Variants in ARHGAP35 observed in about 807,000 individuals in gnomAD.
ARHGAP35 encodes Rho GTPase activating protein 35, also known as rho GTPase-activating protein 35.
Under a neutral mutation model 111.1 loss-of-function variants are expected in ARHGAP35, and 15 were observed. That is an observed-to-expected ratio of 0.13 (90% CI 0.09 to 0.21). The LOEUF (loss-of-function observed/expected upper bound fraction) is 0.21. Among genes scored for constraint, ARHGAP35 ranks in the 10% least tolerant of loss-of-function variants. The pLI is 1.00. For missense variants in ARHGAP35, 1,262 were observed against 1,873.0 expected (o/e 0.67, Z 6.02); for synonymous variants, 643 against 710.3 (o/e 0.91, Z 1.51).
rs148117704 is a variant in ARHGAP35 at position 46,866,418 on chromosome 19, G to T, written c.-189+5209G>T. Among the ~76,000 whole-genome samples the T allele has an allele frequency of 1.4e-3, 209 of 152,322 alleles. 1 individual carries two copies. Among genetic ancestry groups the T allele is most frequent in the African/African-American group, 4.8e-3 (200 of 41,562 alleles). On this transcript the variant is annotated intron_variant, in intron 1 of 6. Coordinates refer to ENST00000672722, the MANE Select transcript of ARHGAP35 (RefSeq NM_004491.5). ...ACAGGCTTCCTGCCACAGCAGAAAAGTACTGGATTTATATAAGGGCAGTGA... is the reference window on the plus strand; with the variant it reads ...ACAGGCTTCCTGCCACAGCAGAAAATTACTGGATTTATATAAGGGCAGTGA...
At chr19:46,870,332 C>G (rs981936802) in intron 1 of ARHGAP35, among the ~76,000 whole-genome samples, 1 of 151,732 alleles carries the variant, frequency 6.6e-6, no homozygotes, top group East Asian at 2.0e-4. Context: ...TAATCCCCAG[C>G]ACTTTGGGAG....
intron 3 of ARHGAP35, among the ~76,000 whole-genome samples, chr19:46,956,541 T>A (rs901726070): frequency 9.9e-5 from 15 of 151,700 alleles, no homozygotes; most frequent in Non-Finnish European, 1.5e-5. Context: ...TGCCTCGGCC[T>A]CCCAAAGTGC....
At chr19:46,984,189 T>A (rs1318457264) in intron 3 of ARHGAP35, among the ~76,000 whole-genome samples, 1 of 152,100 alleles carries the variant, frequency 6.6e-6, no homozygotes, top group African/African-American at 2.4e-5. Context: ...AGGATGCCTG[T>A]GAGTTTAAGG....
chr19:46,919,926 G>T lies in ARHGAP35; in HGVS notation c.1251G>T (p.Glu417Asp), dbSNP rs1363475646. The T allele has an allele frequency of 6.2e-7, 1 of 1,613,966 alleles. No individual in the cohort carries two copies. The highest frequency in any genetic ancestry group is 1.7e-5 in the Admixed American group (1 of 60,018). The change falls in exon 2 of 7, where the codon GAG (glutamate) becomes GAT (aspartate). Residue 417 changes from glutamate (E) to aspartate (D), a missense_variant. Physicochemically the swap from Glu to Asp is conservative, Grantham distance 45 (BLOSUM62 2). Coordinates refer to ENST00000672722, the MANE Select transcript of ARHGAP35 (RefSeq NM_004491.5). This position sits in a 1 kb window ranked among gnomAD's most constrained non-coding sequence, Gnocchi z 6.2. ...MDTVPAEQLY[E>D]AHLEKLRNER... ...CCGTCCCTGCAGAGCAGCTATACGA[G>T]GCCCACTTAGAGAAGCTGAGGAACG... is the stretch of plus-strand genomic sequence containing the variant.
In ARHGAP35 at chr19:46,942,313, A is replaced by G. The variant is rs1176030676; in HGVS notation, c.3826+4905A>G. On this transcript the variant is annotated intron_variant, in intron 3 of 6. Coordinates refer to ENST00000672722, the MANE Select transcript of ARHGAP35 (RefSeq NM_004491.5). Reference sequence around the variant, plus strand: ...AGAGTATGAGGTAAGCTAGCTTTCAACATTTTTTTAACATAGCCCTCTTAG... The same window carrying G: ...AGAGTATGAGGTAAGCTAGCTTTCAGCATTTTTTTAACATAGCCCTCTTAG... Among the ~76,000 whole-genome samples, 4 of 152,146 alleles carry G rather than the reference A, an allele frequency of 2.6e-5. No homozygotes were observed. In the East Asian group the frequency reaches 5.8e-4, roughly 22 times the overall value.
chr19:47,000,647 C>T lies in ARHGAP35; in HGVS notation c.4459C>T (p.Pro1487Ser). The T allele has an allele frequency of 6.2e-7, 1 of 1,602,980 alleles. No homozygotes were observed. Among genetic ancestry groups the T allele is most frequent in the Non-Finnish European group, 8.5e-7 (1 of 1,174,044 alleles). ...ACCCACCCCCCAGTCCCCAATGCAG[C>T]CACTGCTTCCCTCCCAGCTTCAAGC... ...PPPTPQSPMQPLLPSQLQAEH... is the reference protein window; with the variant it reads ...PPPTPQSPMQSLLPSQLQAEH... Residue 1487 changes from proline to serine, a missense_variant, in exon 7 of 7, where the codon CCA becomes TCA. By Grantham distance (74) the Pro-to-Ser change is moderately conservative (BLOSUM62 -1). Coordinates refer to ENST00000672722, the MANE Select transcript of ARHGAP35 (RefSeq NM_004491.5). This position sits in a 1 kb window ranked among gnomAD's most constrained non-coding sequence, Gnocchi z 6.9.
At position 46,989,851 on chromosome 19, in the gene ARHGAP35, G is replaced by T. The variant is rs1051069538; in HGVS notation, c.4036+176G>T. Among the ~76,000 whole-genome samples the T allele has an allele frequency of 1.3e-5, 2 of 152,190 alleles. No individual in the cohort carries two copies. The highest frequency in any genetic ancestry group is 2.4e-5 in the African/African-American group (1 of 41,458). ...ACTTGCAAATCGGGCTCCTGCCCTT[G>T]TAGACCTTAGGTGCTTATCTGAGGG... is the stretch of plus-strand genomic sequence containing the variant. On this transcript the variant is annotated intron_variant, in intron 5 of 6. Coordinates refer to ENST00000672722, the MANE Select transcript of ARHGAP35 (RefSeq NM_004491.5). This position sits in a 1 kb window ranked among gnomAD's most constrained non-coding sequence, Gnocchi z 5.3.
At chr19:46,889,044 C>T (rs1052759175) in intron 1 of ARHGAP35, among the ~76,000 whole-genome samples, 4 of 151,006 alleles carry the variant, frequency 2.6e-5, no homozygotes, top group African/African-American at 9.8e-5. Context: ...TTGGACTGGG[C>T]ATGGTGGCTC....
intron 3 of ARHGAP35, among the ~76,000 whole-genome samples, chr19:46,963,754 G>A (rs1014549958): frequency 2.0e-5 from 3 of 152,156 alleles, no homozygotes; most frequent in Admixed American, 2.0e-4. Flanking sequence ...GACTTAATCG[G>A]TGTCCTCCAC....
rs1460017219 is a variant in ARHGAP35 at position 46,919,677 on chromosome 19, G to A, written c.1002G>A (p.Glu334=). ...ACCGCCTCAAGCATGAGCATATCGAGCGTAGGAGAAAGCTGTACCTGGCAG... is the reference window on the plus strand; with the variant it reads ...ACCGCCTCAAGCATGAGCATATCGAACGTAGGAGAAAGCTGTACCTGGCAG... ...HIHRLKHEHI[E]RRRKLYLAAL... Residue 334 remains glutamate (E), a synonymous_variant, in exon 2 of 7, where the codon GAG becomes GAA. Transcript: ENST00000672722. This position sits in a 1 kb window ranked among gnomAD's most constrained non-coding sequence, Gnocchi z 6.2. 3 of 1,613,968 alleles carry A rather than the reference G, an allele frequency of 1.9e-6. No homozygotes were observed. The highest frequency in any genetic ancestry group is 1.3e-5 in the African/African-American group (1 of 75,034).
intron 3 of ARHGAP35, among the ~76,000 whole-genome samples, chr19:46,958,363 C>A (rs887836591): frequency 6.9e-6 from 1 of 145,702 alleles, no homozygotes. Flanking sequence ...CCAGCCTGGG[C>A]GACAGAGCAA....
At position 46,926,625 on chromosome 19, in the gene ARHGAP35, G is replaced by A. The variant is rs1230256246; in HGVS notation, c.3681+4269G>A. 2.7e-5 allele frequency among the ~76,000 whole-genome samples: 4 copies of A among 150,820 alleles called. No homozygotes were observed. Among genetic ancestry groups the A allele is most frequent in the Non-Finnish European group, 4.4e-5 (3 of 67,916 alleles). On this transcript the variant is annotated intron_variant, in intron 2 of 6. Transcript: ENST00000672722. The surrounding 1 kb of genome is among the most constrained non-coding windows in gnomAD (Gnocchi z 4.1). ...TTCTATCTGATGTGTTCTTATTTTG[G>A]TGCTAAAAAAAAAAAGACAAAACAG...
At chr19:46,990,693 A>G (rs1479641553) in intron 5 of ARHGAP35, among the ~76,000 whole-genome samples, 2 of 152,170 alleles carry the variant, frequency 1.3e-5, no homozygotes, top group Non-Finnish European at 2.9e-5. Flanking sequence ...ATTTATTCAC[A>G]AGCCTGATGG....
At chr19:46,972,085 C>T (rs2056553109) in intron 3 of ARHGAP35, among the ~76,000 whole-genome samples, 2 of 152,234 alleles carry the variant, frequency 1.3e-5, no homozygotes, top group Non-Finnish European at 2.9e-5. Flanking sequence ...TCTCAGCTCA[C>T]TGCAACCTCC....
At chr19:46,936,900 C>T (rs114401921) in intron 2 of ARHGAP35, among the ~76,000 whole-genome samples, 1,721 of 139,000 alleles carry the variant, frequency 0.012, 39 homozygotes, top group African/African-American at 0.044. Flanking sequence ...AATACAGTGG[C>T]GCAATCTCGG....
At chr19:46,909,157 G>A (rs1379130328) in intron 1 of ARHGAP35, among the ~76,000 whole-genome samples, 1 of 152,012 alleles carries the variant, frequency 6.6e-6, no homozygotes, top group Non-Finnish European at 1.5e-5. Context: ...TTAAAAATTA[G>A]CCGGCCGTGG....
intron 3 of ARHGAP35, among the ~76,000 whole-genome samples, chr19:46,940,216 A>G (rs953050439): frequency 2.0e-5 from 3 of 152,098 alleles, no homozygotes; most frequent in Admixed American, 6.6e-5. Context: ...AAAATTAGCC[A>G]GGCTTGGTGG....
intron 3 of ARHGAP35, among the ~76,000 whole-genome samples, chr19:46,985,470 C>T (rs529283918): frequency 6.6e-6 from 1 of 152,322 alleles, no homozygotes; most frequent in East Asian, 1.9e-4. Context: ...GTGGCAGAGT[C>T]CCCGGACTCA....
chr19:46,937,206 T>TA, intron 2 of ARHGAP35, 58 bp from the exon 3 acceptor site: 1 of 1,598,414 alleles, frequency 6.3e-7, no homozygotes, highest in African/African-American at 1.3e-5. Context: ...TACTGATGTT[T>TA]AAGTTACATG....
Sources: gnomAD v4.1 joint callset for allele counts (sites outside exome capture counted in the v4.1 genomes callset) on GRCh38, gnomAD v4.1.1 for gene constraint, Gnocchi (gnomAD v3.1) non-coding constraint, MANE v1.5 for transcripts, NCBI Gene and HGNC (gene_info 2026-07-23, HGNC 2026-07-21) for gene names.